Variants in LINGO2 observed in about 807,000 individuals in gnomAD.
LINGO2 encodes leucine rich repeat and Ig domain containing 2, also known as leucine-rich repeat and immunoglobulin-like domain-containing nogo receptor-interacting protein 2.
A neutral mutation model predicts 30.6 loss-of-function variants in LINGO2; 14 were observed. The observed-to-expected ratio is 0.46, with a 90% CI of 0.30 to 0.72. The LOEUF is 0.72. Among genes scored for constraint, LINGO2 ranks in the 30% least tolerant of loss-of-function variants. LINGO2 has a pLI of 0.07. For missense variants in LINGO2, 729 were observed against 751.7 expected (o/e 0.97, Z 0.35); for synonymous variants, 317 against 288.5 (o/e 1.10, Z -1.00).
chr9:28,730,568 G>C, the LINGO2 span, among the ~76,000 whole-genome samples: 1 of 152,150 alleles, frequency 6.6e-6, no homozygotes, highest in African/African-American at 2.4e-5. Flanking sequence ...TAAAGGACTA[G>C]TTTTTAGAAT....
At chr9:29,021,521 G>T in the LINGO2 span, among the ~76,000 whole-genome samples, 1 of 152,088 alleles carries the variant, frequency 6.6e-6, no homozygotes, top group African/African-American at 2.4e-5. Context: ...GCCAGACGTG[G>T]TGGTGGGCAC....
At chr9:28,499,289 A>C (rs112622428) in intron 1 of LINGO2, among the ~76,000 whole-genome samples, 3 of 152,198 alleles carry the variant, frequency 2.0e-5, no homozygotes, top group Non-Finnish European at 4.4e-5. Context: ...TAGAAAGACC[A>C]TCTCAGTCAG....
intron 5 of LINGO2, among the ~76,000 whole-genome samples, chr9:27,971,999 T>G (rs1458979187): frequency 6.6e-6 from 1 of 152,224 alleles, no homozygotes; most frequent in East Asian, 1.9e-4. Flanking sequence ...AAACTTCTGT[T>G]AGTGCTCATG....
intron 5 of LINGO2, 71 bp from the exon 7 acceptor site, chr9:27,950,777 A>G (rs1819267976): frequency 3.8e-6 from 3 of 796,754 alleles, no homozygotes; most frequent in South Asian, 8.1e-5. Context: ...AGGGGCATAA[A>G]TAGGGCAGCA....
At chr9:28,294,754 G>C (rs1006323213) in intron 4 of LINGO2, among the ~76,000 whole-genome samples, 2 of 152,126 alleles carry the variant, frequency 1.3e-5, no homozygotes, top group African/African-American at 4.8e-5. Context: ...AGAAATAAAA[G>C]AAGAACAATG....
At chr9:28,891,570 G>C in the LINGO2 span, among the ~76,000 whole-genome samples, 1 of 151,752 alleles carries the variant, frequency 6.6e-6, no homozygotes, top group Non-Finnish European at 1.5e-5. Context: ...ATGAAGTCTG[G>C]TACCTTTGGG....
At position 28,064,695 on chromosome 9, in the gene LINGO2, T is replaced by A. The variant is rs1028221783; in HGVS notation, c.-86-52290A>T. 2.6e-5 allele frequency among the ~76,000 whole-genome samples: 4 copies of A among 152,078 alleles called. No individual in the cohort carries two copies. The South Asian group carries it at 8.3e-4, about 31-fold the overall frequency. ...TTAATACCCAAGTGAAACATGGCAGTTTGCATGAAAACGATTGAAGTAAAC... is the reference window on the plus strand; with the variant it reads ...TTAATACCCAAGTGAAACATGGCAGATTGCATGAAAACGATTGAAGTAAAC... On this transcript the variant is annotated intron_variant, in intron 4 of 5. Coordinates refer to ENST00000379992, the Ensembl canonical transcript of LINGO2.
intron 4 of LINGO2, among the ~76,000 whole-genome samples, chr9:28,153,947 A>G (rs1004398015): frequency 1.3e-5 from 2 of 152,208 alleles, no homozygotes; most frequent in Admixed American, 1.3e-4. Context: ...TAAGGTTTAT[A>G]ATCACTTTTA....
chr9:28,774,400 C>T, the LINGO2 span, among the ~76,000 whole-genome samples: 1 of 151,976 alleles, frequency 6.6e-6, no homozygotes, highest in Non-Finnish European at 1.5e-5. Context: ...ACGTATCCAA[C>T]AAAAATCTCA....
chr9:28,629,092 G>A (rs991718565), intron 1 of LINGO2, among the ~76,000 whole-genome samples: 1 of 152,122 alleles, frequency 6.6e-6, no homozygotes, highest in East Asian at 1.9e-4. Context: ...AACCATCCAA[G>A]TAGGCATGAA....
chr9:29,155,994 T>C, the LINGO2 span, among the ~76,000 whole-genome samples: 1 of 152,092 alleles, frequency 6.6e-6, no homozygotes, highest in African/African-American at 2.4e-5. Flanking sequence ...CTGGAAGCTT[T>C]CTTACCATAA....
At chr9:28,722,186 G>C in the LINGO2 span, among the ~76,000 whole-genome samples, 1 of 151,976 alleles carries the variant, frequency 6.6e-6, no homozygotes, top group Non-Finnish European at 1.5e-5. Context: ...CTTGAAAATT[G>C]CCTAAAGGAA....
At chr9:28,072,662 T>A (rs1228822370) in intron 4 of LINGO2, among the ~76,000 whole-genome samples, 1 of 152,232 alleles carries the variant, frequency 6.6e-6, no homozygotes, top group Non-Finnish European at 1.5e-5. Context: ...CTGATTTTTT[T>A]ATTGTTATTC....
At chr9:27,977,030 T>C (rs1171834942) in intron 5 of LINGO2, among the ~76,000 whole-genome samples, 1 of 141,868 alleles carries the variant, frequency 7.0e-6, no homozygotes, top group African/African-American at 2.4e-5. Flanking sequence ...CTGGACTTTT[T>C]TTAGGTAAAT....
At chr9:28,208,792 A>T (rs1222877582) in intron 4 of LINGO2, among the ~76,000 whole-genome samples, 2 of 151,824 alleles carry the variant, frequency 1.3e-5, no homozygotes, top group East Asian at 3.9e-4. Flanking sequence ...CATTTGGGGG[A>T]TCTGCACCTT....
At chr9:28,879,402 A>T in the LINGO2 span, among the ~76,000 whole-genome samples, 1 of 152,180 alleles carries the variant, frequency 6.6e-6, no homozygotes, top group Non-Finnish European at 1.5e-5. Flanking sequence ...ACCACATCAT[A>T]TTATCCTTCA....
At chr9:28,200,709 A>T (rs1204722110) in intron 4 of LINGO2, among the ~76,000 whole-genome samples, 1 of 152,212 alleles carries the variant, frequency 6.6e-6, no homozygotes, top group Non-Finnish European at 1.5e-5. Flanking sequence ...AATAAAGAAT[A>T]GAAGTAACAC....
the LINGO2 span, among the ~76,000 whole-genome samples, chr9:29,209,056 T>C: frequency 1.3e-5 from 2 of 152,174 alleles, no homozygotes; most frequent in Admixed American, 1.3e-4. Context: ...TCTGAACCAA[T>C]ATACACTGAC....
the LINGO2 span, among the ~76,000 whole-genome samples, chr9:28,797,359 T>TATATATATATATAGAG: frequency 3.2e-4 from 11 of 34,210 alleles, no homozygotes; most frequent in Admixed American, 5.0e-4. Flanking sequence ...TATATATATA[T>TATATATATATATAGAG]AGAGAGAGAG....
Sources: allele counts gnomAD v4.1 joint callset (sites outside exome capture counted in the v4.1 genomes callset), GRCh38; gene constraint gnomAD v4.1.1; transcripts MANE v1.5; gene names NCBI Gene and HGNC (gene_info 2026-07-23, HGNC 2026-07-21).